Variants in IGDCC4 observed in about 807,000 individuals in gnomAD.
IGDCC4 encodes immunoglobulin superfamily DCC subclass member 4, also known as likely ortholog of mouse neighbor of Punc E11.
Under a neutral mutation model 116.6 loss-of-function variants are expected in IGDCC4, and 72 were observed. The observed-to-expected ratio is 0.62, with a 90% CI of 0.51 to 0.75. The LOEUF (loss-of-function observed/expected upper bound fraction) is 0.75. Ranked by LOEUF, IGDCC4 falls within the 30% of genes least tolerant of loss-of-function variation. The pLI is 0.00. For missense variants in IGDCC4, 1,501 were observed against 1,662.4 expected, an observed-to-expected ratio of 0.90 and a Z score of 1.69; for synonymous variants, 709 against 719.9, an observed-to-expected ratio of 0.98 and a Z score of 0.24.
At chr15:65,385,766 G>A in intron 18 of IGDCC4, 65 bp downstream of exon 18, 1 of 1,313,872 alleles carries the variant, frequency 7.6e-7, no homozygotes, top group Non-Finnish European at 1.1e-6. Context: ...ATAGCCACGC[G>A]TTGTGCTCTG....
chr15:65,421,255 G>A (rs2140247525), intron 1 of IGDCC4, among the ~76,000 whole-genome samples: 1 of 152,326 alleles, frequency 6.6e-6, no homozygotes, highest in Admixed American at 6.5e-5. Context: ...GCGGTTCCCA[G>A]CCCTGATGCC....
At chr15:65,391,738 T>G in intron 12 of IGDCC4, 142 bp downstream of exon 12, 1 of 707,050 alleles carries the variant, frequency 1.4e-6, no homozygotes, top group Non-Finnish European at 2.4e-6. Flanking sequence ...AGAGGACCCC[T>G]GATCCTAGGA....
At chr15:65,389,498 C>T in intron 13 of IGDCC4, 87 bp from the exon 14 acceptor site, 1 of 1,575,418 alleles carries the variant, frequency 6.3e-7, no homozygotes. Flanking sequence ...CTGCAGTCAG[C>T]CCCAGCCCCA....
In IGDCC4 at chr15:65,385,015, A is replaced by C. The variant is rs1390876532; in HGVS notation, c.3281T>G (p.Leu1094Arg). The change falls in exon 19 of 20, where the codon CTG (leucine) becomes CGG (arginine). Residue 1094 changes from leucine (L) to arginine (R), a missense_variant. Leu to Arg is a moderately radical substitution (Grantham distance 102, BLOSUM62 -2). Coordinates refer to ENST00000352385, the MANE Select transcript of IGDCC4 (RefSeq NM_020962.3). Reference protein sequence around the residue: ...GPRPALTRALLPPAGTGQTLL... With the variant: ...GPRPALTRALRPPAGTGQTLL... ...CGTCTGCCCAGTTCCAGCAGGGGGCAGCAGGGCCCGGGTCAGAGCCGGCCG... is the reference window on the plus strand; with the variant it reads ...CGTCTGCCCAGTTCCAGCAGGGGGCCGCAGGGCCCGGGTCAGAGCCGGCCG... 1 of 1,609,898 alleles carries C rather than the reference A, an allele frequency of 6.2e-7. No individual in the cohort carries two copies. The highest frequency in any genetic ancestry group is 8.5e-7 in the Non-Finnish European group (1 of 1,178,582).
In IGDCC4 at chr15:65,388,479, C is replaced by T. The variant is rs1208558406; in HGVS notation, c.2815G>A (p.Asp939Asn). Residue 939 changes from aspartate to asparagine, a missense_variant, in exon 16 of 20, where the codon GAT (aspartate) becomes AAT (asparagine). Coordinates refer to ENST00000352385, the MANE Select transcript of IGDCC4 (RefSeq NM_020962.3). ...VGPGPFSRLQ[D>N]VITLQEKLSD... ...AGCTTCTCCTGGAGCGTGATCACAT[C>T]CTGCAGGCGGGAGAAAGGCCCAGGT... 1 of 1,614,146 alleles carries T rather than the reference C, an allele frequency of 6.2e-7. No individual in the cohort carries two copies. The highest frequency in any genetic ancestry group is 8.5e-7 in the Non-Finnish European group (1 of 1,180,028).
At chr15:65,394,967 C>T in intron 8 of IGDCC4, 127 bp downstream of exon 8, 1 of 1,065,226 alleles carries the variant, frequency 9.4e-7, no homozygotes, top group Non-Finnish European at 1.3e-6. Flanking sequence ...CGCCCACTCT[C>T]TTACGGGGCA....
chr15:65,393,554 C>A lies in IGDCC4; in HGVS notation c.1715-23G>T. 1 of 1,571,876 alleles carries A rather than the reference C, an allele frequency of 6.4e-7. No homozygotes were observed. The highest frequency in any genetic ancestry group is 1.2e-5 in the South Asian group (1 of 84,346). On this transcript the variant is annotated intron_variant, in intron 9 of 19. Transcript: ENST00000352385. This position sits in a 1 kb window ranked among gnomAD's most constrained non-coding sequence, Gnocchi z 4.6. ...GATCTGCAGGGACAGAAAAGGTGGG[C>A]TGCTGGGTAGCCACCTGAGGAACAG...
rs560796127 is a variant in IGDCC4, at chr15:65,389,330, C to T, written c.2490G>A (p.Met830Ile). The T allele has an allele frequency of 1.2e-6, 2 of 1,614,182 alleles. No homozygotes were observed. Among genetic ancestry groups the T allele is most frequent in the South Asian group, 2.2e-5 (2 of 91,082 alleles). Residue 830 changes from methionine to isoleucine, a missense_variant, in exon 14 of 20, where the codon ATG becomes ATA. Around this residue, in one of 3 missense-constraint regions of IGDCC4, gnomAD observed 235 missense variants for 328.0 expected, o/e 0.72. Coordinates refer to ENST00000352385, the MANE Select transcript of IGDCC4 (RefSeq NM_020962.3). ...CCACCACAGAGCCGAAAGGCCCATC[C>T]ATGTCCACGCCGTGAGACTGCACTG... is the stretch of plus-strand genomic sequence containing the variant. ...EFAVQSHGVDMDGPFGSVVER... is the reference protein window; with the variant it reads ...EFAVQSHGVDIDGPFGSVVER...
rs752822794 is a variant in IGDCC4, at chr15:65,391,932, CTCA to C, written c.2169_2171del (p.His723_Glu724delinsGln). 1.2e-6 allele frequency: 2 copies of C among 1,613,834 alleles called. No homozygotes were observed. Among genetic ancestry groups the C allele is most frequent in the South Asian group, 2.2e-5 (2 of 91,046 alleles). ...CCTTCCACACTGCTGCATAGCCATCCTCATGTTTGTTGAAAGCCACGAGCTTCA... is the reference window on the plus strand; with the variant it reads ...CCTTCCACACTGCTGCATAGCCATCCTGTTTGTTGAAAGCCACGAGCTTCA... On this transcript the variant is annotated inframe_deletion, in exon 12 of 20. Coordinates refer to ENST00000352385, the MANE Select transcript of IGDCC4 (RefSeq NM_020962.3).
At chr15:65,395,645 C>A in intron 7 of IGDCC4, 105 bp downstream of exon 7, 1 of 1,245,438 alleles carries the variant, frequency 8.0e-7, no homozygotes, top group African/African-American at 1.6e-5. Context: ...CCATCCTTGC[C>A]GCAGAGGTAC....
In IGDCC4 at chr15:65,420,638, C is replaced by T. The variant is rs545796203; in HGVS notation, c.70+2155G>A. Among the ~76,000 whole-genome samples the T allele has an allele frequency of 1.9e-4, 29 of 152,206 alleles. 1 individual carries two copies. Among genetic ancestry groups the T allele is most frequent in the East Asian group, 1.3e-3 (7 of 5,188 alleles). The stretch of plus-strand genomic sequence containing the variant: ...CCCTTTCCATGCTTCCCTCACCTGC[C>T]CCCCATCCACCCCTTGTCCCTAAAC... On this transcript the variant is annotated intron_variant, in intron 1 of 19. Transcript: ENST00000352385.
chr15:65,399,554 A>G (rs751569620), intron 5 of IGDCC4, among the ~76,000 whole-genome samples: 26 of 151,976 alleles, frequency 1.7e-4, no homozygotes, highest in Admixed American at 1.2e-3. Flanking sequence ...ATGCATAATC[A>G]GGAATTAAGA....
chr15:65,400,783 C>T, intron 5 of IGDCC4, 23 bp downstream of exon 5: 1 of 1,571,974 alleles, frequency 6.4e-7, no homozygotes, highest in South Asian at 1.2e-5. Context: ...CCATGCCCTC[C>T]TTCTCCCACC....
rs149985570 is a variant in IGDCC4 at position 65,411,176 on chromosome 15, G to A, written c.265C>T (p.Pro89Ser). Reference protein sequence around the residue: ...LLEHDHLHLLPNGSLWLSQPL... With the variant: ...LLEHDHLHLLSNGSLWLSQPL... Reference sequence around the variant, plus strand: ...TGGGACAGCCACAGGGAACCATTGGGCAGCAGGTGTAAGTGGTCGTGCTCC... The same window carrying A: ...TGGGACAGCCACAGGGAACCATTGGACAGCAGGTGTAAGTGGTCGTGCTCC... Residue 89 changes from proline (P) to serine (S), a missense_variant, in exon 2 of 20, where the codon CCC becomes TCC. Physicochemically the swap from Pro to Ser is moderately conservative, Grantham distance 74. This residue lies in a region of IGDCC4 where 898 missense variants were observed against 978.9 expected (regional missense o/e 0.92). Coordinates refer to ENST00000352385, the MANE Select transcript of IGDCC4 (RefSeq NM_020962.3). The A allele has an allele frequency of 3.9e-5, 63 of 1,614,092 alleles. No individual in the cohort carries two copies. The African/African-American group carries it at 5.9e-4, about 15-fold the overall frequency.
In IGDCC4 at chr15:65,385,667, C is replaced by T; in HGVS notation, c.3180+164G>A. 5.6e-6 allele frequency: 4 copies of T among 710,612 alleles called. No individual in the cohort carries two copies. In the South Asian group the frequency reaches 6.1e-5, roughly 11 times the overall value. The allele number at this position is 710,612 out of a possible 1,614,324, so 44.0% of individuals were successfully genotyped here. On this transcript the variant is annotated intron_variant, in intron 18 of 19. Transcript: ENST00000352385. ...CCGCCGGGATATGGAGGCCCATGTG[C>T]TTCCCTGACAGCCAACCATTCCGTG... is the stretch of plus-strand genomic sequence containing the variant.
intron 3 of IGDCC4, among the ~76,000 whole-genome samples, chr15:65,407,746 C>T (rs914662505): frequency 2.6e-5 from 4 of 152,084 alleles, no homozygotes; most frequent in African/African-American, 9.7e-5. Flanking sequence ...CCTGCCTCAG[C>T]CTCCTGAGTA....
At position 65,392,300 on chromosome 15, in the gene IGDCC4, G is replaced by A; in HGVS notation, c.1956C>T (p.Pro652=). The change falls in exon 11 of 20, where the codon CCC becomes CCT. Residue 652 remains proline, a synonymous_variant. Transcript: ENST00000352385. The stretch of plus-strand genomic sequence containing the variant: ...AGCCAGAGATCTGGGTGGGGTGAGG[G>A]GGTGGCTGCCATGACACGACCAGGG... ...MESLVVSWQP[P]PHPTQISGYK... is the part of the protein sequence containing the mutation. 6.3e-7 allele frequency: 1 copy of A among 1,596,920 alleles called. No homozygotes were observed. Among genetic ancestry groups the A allele is most frequent in the Non-Finnish European group, 8.6e-7 (1 of 1,169,012 alleles).
In IGDCC4 at chr15:65,388,878, C is replaced by T. The variant is rs1464405899; in HGVS notation, c.2637G>A (p.Val879=). Residue 879 remains valine, a synonymous_variant, in exon 15 of 20, where the codon GTG becomes GTA. Coordinates refer to ENST00000352385, the MANE Select transcript of IGDCC4 (RefSeq NM_020962.3). ...TGCTGCTGTACAGGATCAGATACTC[C>T]ACGATCTCCCCGTTGGGCTCTGTGG... ...CPPTEPNGEI[V]EYLILYSSNH... The T allele has an allele frequency of 6.2e-7, 1 of 1,614,026 alleles. No homozygotes were observed. The highest frequency in any genetic ancestry group is 8.5e-7 in the Non-Finnish European group (1 of 1,180,026).
At chr15:65,407,791 T>C (rs1483027675) in intron 3 of IGDCC4, among the ~76,000 whole-genome samples, 5 of 135,422 alleles carry the variant, frequency 3.7e-5, no homozygotes, top group Admixed American at 3.6e-4. Context: ...CACGCCTGGA[T>C]AATTTTTGTA....
Sources: allele counts gnomAD v4.1 joint callset (sites outside exome capture counted in the v4.1 genomes callset), GRCh38; gene constraint gnomAD v4.1.1; regional missense constraint gnomAD v4.1.1; non-coding constraint Gnocchi (gnomAD v3.1); transcripts MANE v1.5; gene names NCBI Gene and HGNC (gene_info 2026-07-23, HGNC 2026-07-21).